GPHN: variants seen among roughly 807,000 people sequenced by gnomAD.
GPHN encodes gephyrin.
Under a neutral mutation model 95.5 loss-of-function variants are expected in GPHN, and 17 were observed. The observed-to-expected ratio is 0.18, with a 90% CI of 0.12 to 0.27. GPHN has a LOEUF of 0.27. Among genes scored for constraint, GPHN ranks in the 10% least tolerant of loss-of-function variants. The pLI is 1.00. For synonymous variants in GPHN, 320 were observed against 322.5 expected (o/e 0.99, Z 0.08); for missense variants, 660 against 978.1 (o/e 0.67, Z 4.34).
chr14:66,688,650 C>G (rs2067562289), intron 2 of GPHN, among the ~76,000 whole-genome samples: 1 of 152,248 alleles, frequency 6.6e-6, no homozygotes, highest in South Asian at 2.1e-4. Flanking sequence ...TGAACGGGAA[C>G]AAATTTGGAT....
At chr14:67,111,827 C>G (rs1210861896) in intron 14 of GPHN, 34 bp from the exon 15 acceptor site, 1 of 1,554,256 alleles carries the variant, frequency 6.4e-7, no homozygotes, top group African/African-American at 1.4e-5. Context: ...CTCAGAAATT[C>G]TGTTTGAAAT....
chr14:67,014,422 T>C (rs1042573015), intron 9 of GPHN, among the ~76,000 whole-genome samples: 3 of 152,106 alleles, frequency 2.0e-5, no homozygotes, highest in African/African-American at 7.2e-5. Flanking sequence ...CTCCCCAAAG[T>C]TCTTTTGTTA....
In GPHN at chr14:67,137,304, C is replaced by T. The variant is rs1416579675; in HGVS notation, c.1749-6058C>T. ...GGGACTACAGGTGCCCGCCACCACG[C>T]CCGGCTAATTTTTTGTATTTTTAGT... On this transcript the variant is annotated intron_variant, in intron 17 of 22. Coordinates refer to ENST00000478722, the MANE Select transcript of GPHN (RefSeq NM_020806.5). 5.9e-5 allele frequency among the ~76,000 whole-genome samples: 9 copies of T among 151,666 alleles called. No homozygotes were observed. The East Asian group carries it at 1.8e-3, about 31-fold the overall frequency.
the GPHN span, chr14:67,620,781 G>T: frequency 1.0e-6 from 1 of 959,334 alleles, no homozygotes; most frequent in East Asian, 2.5e-5. Flanking sequence ...ATTGATGGAA[G>T]GGCTGATGCT....
chr14:67,118,128 G>T (rs902916294), intron 16 of GPHN, among the ~76,000 whole-genome samples: 2 of 152,072 alleles, frequency 1.3e-5, no homozygotes, highest in African/African-American at 2.4e-5. Flanking sequence ...CTCTATAAAC[G>T]ATAGATTAAC....
the GPHN span, among the ~76,000 whole-genome samples, chr14:67,730,805 T>C: frequency 1.3e-5 from 2 of 152,170 alleles, no homozygotes; most frequent in Non-Finnish European, 2.9e-5. Flanking sequence ...GCTTTCACCA[T>C]GTTGGCCAGG....
chr14:66,859,939 A>G (rs2062958404), intron 4 of GPHN, among the ~76,000 whole-genome samples: 1 of 152,156 alleles, frequency 6.6e-6, no homozygotes, highest in Admixed American at 6.5e-5. Context: ...AGAGGAGACA[A>G]GAAAATAAAA....
chr14:67,342,557 C>CTTTT, the GPHN span, among the ~76,000 whole-genome samples: 19,571 of 136,650 alleles, frequency 0.14, 2,652 homozygotes, highest in East Asian at 0.4. Flanking sequence ...ACGAATTATC[C>CTTTT]TTTTTTTTTT....
chr14:67,290,371 ATG>A, the GPHN span, among the ~76,000 whole-genome samples: 1 of 152,202 alleles, frequency 6.6e-6, no homozygotes, highest in East Asian at 1.9e-4. Flanking sequence ...AGACTCTGAT[ATG>A]TGTAAGAATT....
chr14:67,291,638 A>G, the GPHN span, among the ~76,000 whole-genome samples: 2 of 152,280 alleles, frequency 1.3e-5, no homozygotes, highest in South Asian at 4.1e-4. Context: ...TGCTTGTGCT[A>G]TTTATGCACA....
intron 2 of GPHN, among the ~76,000 whole-genome samples, chr14:66,720,228 A>C (rs1033818802): frequency 4.6e-5 from 7 of 152,202 alleles, no homozygotes; most frequent in Admixed American, 1.3e-4. Flanking sequence ...TTGTCTAAAA[A>C]TAAAGAGTAA....
At chr14:67,549,028 A>C in the GPHN span, among the ~76,000 whole-genome samples, 5 of 152,258 alleles carry the variant, frequency 3.3e-5, no homozygotes, top group Non-Finnish European at 5.9e-5. Flanking sequence ...CAGTTTCACA[A>C]CATATGGGTA....
the GPHN span, chr14:67,349,153 C>G: frequency 6.5e-7 from 1 of 1,535,532 alleles, no homozygotes; most frequent in Non-Finnish European, 9.0e-7. Context: ...CAGAAATAAA[C>G]CTACAGGGAC....
the GPHN span, among the ~76,000 whole-genome samples, chr14:67,400,295 A>G: frequency 6.6e-6 from 1 of 152,330 alleles, no homozygotes; most frequent in South Asian, 2.1e-4. Flanking sequence ...CTCTGTTTCC[A>G]TGAGAGGGTT....
chr14:67,447,607 G>C, the GPHN span: 3 of 152,176 alleles, frequency 2.0e-5, no homozygotes, highest in Non-Finnish European at 4.4e-5. Context: ...GGAGAAGGCA[G>C]ATGAGCCTCA....
the GPHN span, chr14:67,690,277 A>T: frequency 6.2e-7 from 1 of 1,614,054 alleles, no homozygotes; most frequent in Non-Finnish European, 8.5e-7. Context: ...ACAGTAGGCC[A>T]GGCCTGCATT....
intron 9 of GPHN, among the ~76,000 whole-genome samples, chr14:67,008,247 T>C (rs1254448513): frequency 2.0e-5 from 3 of 150,228 alleles, no homozygotes; most frequent in African/African-American, 7.4e-5. Flanking sequence ...AGGTCAGGAG[T>C]TCAAGACCAG....
At chr14:67,698,647 A>C in the GPHN span, among the ~76,000 whole-genome samples, 1 of 152,202 alleles carries the variant, frequency 6.6e-6, no homozygotes, top group Non-Finnish European at 1.5e-5. Flanking sequence ...TATTAACTAT[A>C]ATGGGATTGG....
intron 2 of GPHN, among the ~76,000 whole-genome samples, chr14:66,769,156 T>A (rs955186918): frequency 3.9e-5 from 6 of 152,026 alleles, no homozygotes; most frequent in Non-Finnish European, 8.8e-5. Context: ...ATATAGATAA[T>A]GCTAGAGTAC....
Sources: allele counts gnomAD v4.1 joint callset (sites outside exome capture counted in the v4.1 genomes callset), GRCh38; gene constraint gnomAD v4.1.1; transcripts MANE v1.5; gene names NCBI Gene and HGNC (gene_info 2026-07-23, HGNC 2026-07-21).